Variants in PIK3C2G observed in about 807,000 individuals in gnomAD.
PIK3C2G encodes the protein phosphatidylinositol 3-kinase C2 domain-containing subunit gamma.
A neutral mutation model predicts 181.1 loss-of-function variants in PIK3C2G; 168 were observed. The observed-to-expected ratio is 0.93, with a 90% CI of 0.82 to 1.05. The LOEUF is 1.05. PIK3C2G is among the 50% of genes least tolerant of loss of function. PIK3C2G has a pLI of 0.00. For missense variants in PIK3C2G, 1,869 were observed against 1,732.8 expected (o/e 1.08, Z -1.40); for synonymous variants, 573 against 592.2 (o/e 0.97, Z 0.47).
intron 31 of PIK3C2G, among the ~76,000 whole-genome samples, chr12:18,635,255 G>A (rs780168810): frequency 1.4e-4 from 22 of 152,296 alleles, no homozygotes; most frequent in Non-Finnish European, 2.5e-4. Flanking sequence ...ATGAGGCCAC[G>A]GGCGCAGTCT....
intron 20 of PIK3C2G, among the ~76,000 whole-genome samples, chr12:18,494,350 A>T (rs1219122863): frequency 6.6e-6 from 1 of 152,114 alleles, no homozygotes; most frequent in East Asian, 1.9e-4. Context: ...TCATTCAATG[A>T]TGATAAACTA....
At chr12:18,451,201 T>C (rs1947332649) in intron 18 of PIK3C2G, among the ~76,000 whole-genome samples, 1 of 152,220 alleles carries the variant, frequency 6.6e-6, no homozygotes, top group African/African-American at 2.4e-5. Context: ...ATTTTTCCTA[T>C]CCATGAGCAT....
intron 13 of PIK3C2G, among the ~76,000 whole-genome samples, chr12:18,377,722 T>G (rs1404371627): frequency 1.3e-5 from 2 of 152,212 alleles, no homozygotes; most frequent in Non-Finnish European, 2.9e-5. Flanking sequence ...CTTCAAAATG[T>G]TTAATTTTAA....
rs374698350 is a variant in PIK3C2G at position 18,249,728 on chromosome 12, A to G, written c.-79+1646A>G. Among the ~76,000 whole-genome samples, 40 of 152,102 alleles carry G rather than the reference A, an allele frequency of 2.6e-4. 1 individual carries two copies. The East Asian group carries it at 6.2e-3, about 24-fold the overall frequency. ...TATATATCTACATAGTCATTTAGCAACCAGGATTATAAATTAAACAGAAAT... is the reference window on the plus strand; with the variant it reads ...TATATATCTACATAGTCATTTAGCAGCCAGGATTATAAATTAAACAGAAAT... On this transcript the variant is annotated intron_variant, in intron 1 of 11. Coordinates refer to the PIK3C2G transcript ENST00000535651.
chr12:18,320,321 ATGCGTGTGTGTG>A (rs1565594134), intron 6 of PIK3C2G, among the ~76,000 whole-genome samples: 1 of 148,460 alleles, frequency 6.7e-6, no homozygotes, highest in Non-Finnish European at 1.5e-5. Flanking sequence ...AAGTTAAGGT[ATGCGTGTGTGTG>A]TGCGTGTGTG....
At chr12:18,257,801 A>G (rs1948161910), upstream of PIK3C2G, among the ~76,000 whole-genome samples, 1 of 149,790 alleles carries the variant, frequency 6.7e-6, no homozygotes, top group African/African-American at 2.4e-5. Flanking sequence ...AAAGAAAGAA[A>G]AGAAAGAAAG....
At chr12:18,646,535 G>A (rs1237946264) in intron 32 of PIK3C2G, among the ~76,000 whole-genome samples, 1 of 152,128 alleles carries the variant, frequency 6.6e-6, no homozygotes, top group African/African-American at 2.4e-5. Flanking sequence ...TGAAAGGTAA[G>A]CCTATGCTGT....
intron 24 of PIK3C2G, among the ~76,000 whole-genome samples, chr12:18,531,692 A>G (rs1219127639): frequency 6.6e-6 from 1 of 152,224 alleles, no homozygotes; most frequent in African/African-American, 2.4e-5. Flanking sequence ...AGATTAATTC[A>G]AGCTGTTGTG....
At chr12:18,412,412 A>C (rs1285255091) in intron 16 of PIK3C2G, among the ~76,000 whole-genome samples, 1 of 152,094 alleles carries the variant, frequency 6.6e-6, no homozygotes, top group Non-Finnish European at 1.5e-5. Context: ...TTTGCTCATG[A>C]CTGTAGGGTG....
At chr12:18,693,682 G>A in the PIK3C2G span, 2 of 1,567,242 alleles carry the variant, frequency 1.3e-6, no homozygotes, top group Non-Finnish European at 1.8e-6. Flanking sequence ...CTGGTGGTGA[G>A]AGAGAAATTC....
chr12:18,254,637 G>A (rs1948125868), intron 1 of PIK3C2G, among the ~76,000 whole-genome samples: 1 of 151,918 alleles, frequency 6.6e-6, no homozygotes, highest in Admixed American at 6.6e-5. Context: ...GAGGTCAAGA[G>A]ATTGAGACTA....
intron 16 of PIK3C2G, among the ~76,000 whole-genome samples, chr12:18,415,568 AAG>A (rs1945127914): frequency 6.6e-6 from 1 of 152,208 alleles, no homozygotes; most frequent in Non-Finnish European, 1.5e-5. Flanking sequence ...ACGTGAAAGG[AAG>A]AGTTATATGT....
At chr12:18,534,749 T>C (rs1239566502) in intron 24 of PIK3C2G, among the ~76,000 whole-genome samples, 1 of 146,578 alleles carries the variant, frequency 6.8e-6, no homozygotes, top group Non-Finnish European at 1.5e-5. Flanking sequence ...AGAAGACTAA[T>C]AAGACAAGAT....
intron 9 of PIK3C2G, 27 bp downstream of exon 9, chr12:18,338,575 A>C: frequency 6.6e-7 from 1 of 1,508,102 alleles, no homozygotes; most frequent in Non-Finnish European, 9.1e-7. Context: ...ATTACACAGT[A>C]GTTTTAAACC....
chr12:18,608,439 C>T (rs1948165965), intron 30 of PIK3C2G, among the ~76,000 whole-genome samples: 2 of 151,668 alleles, frequency 1.3e-5, no homozygotes, highest in Admixed American at 1.3e-4. Flanking sequence ...CCATCATTCT[C>T]AGCAAACTAT....
intron 11 of PIK3C2G, among the ~76,000 whole-genome samples, chr12:18,351,193 T>C (rs921767055): frequency 5.9e-5 from 9 of 151,898 alleles, no homozygotes; most frequent in African/African-American, 2.2e-4. Context: ...ATTTTATTAA[T>C]CAAGGAGTTA....
At chr12:18,566,691 A>G (rs1945653129) in intron 28 of PIK3C2G, among the ~76,000 whole-genome samples, 4 of 152,168 alleles carry the variant, frequency 2.6e-5, no homozygotes, top group Admixed American at 6.5e-5. Flanking sequence ...TGCCATAAAT[A>G]TAGTAAGAAG....
rs2137127061 is a variant in PIK3C2G, at chr12:18,282,732, G to GGA, written c.652_653dup (p.Ser219LysfsTer8). 1 of 1,609,222 alleles carries GGA rather than the reference G, an allele frequency of 6.2e-7. No homozygotes were observed. Among genetic ancestry groups the GGA allele is most frequent in the East Asian group, 2.2e-5 (1 of 44,828 alleles). ...AAGGCTCTCTTCAACCCGGAATGTG[G>GGA]GAAAGTACATGGCAGAAGAATATAG... is the stretch of plus-strand genomic sequence containing the variant. On this transcript the variant is annotated frameshift_variant, in exon 2 of 33. Coordinates refer to ENST00000538779, the MANE Select transcript of PIK3C2G (RefSeq NM_001288772.2). LOFTEE classifies it high-confidence loss of function.
chr12:18,311,553 A>G (rs146346491), intron 5 of PIK3C2G, among the ~76,000 whole-genome samples: 81 of 146,856 alleles, frequency 5.5e-4, no homozygotes, highest in African/African-American at 1.9e-3. Flanking sequence ...GTGTGTGTGC[A>G]TGAAAATACA....
Sources: gnomAD v4.1 joint callset for allele counts (sites outside exome capture counted in the v4.1 genomes callset) on GRCh38, gnomAD v4.1.1 for gene constraint, MANE v1.5 for transcripts, NCBI Gene and HGNC (gene_info 2026-07-23, HGNC 2026-07-21) for gene names.